MIPEP: variants seen among roughly 807,000 people sequenced by gnomAD.
MIPEP encodes mitochondrial intermediate peptidase.
In MIPEP, 79 loss-of-function variants were observed where a neutral mutation model predicts 90.3. The observed-to-expected ratio is 0.87, with a 90% CI of 0.73 to 1.05. The LOEUF (loss-of-function observed/expected upper bound fraction) is 1.05, where lower values mean the gene tolerates loss of function less well. Ranked by LOEUF, MIPEP falls within the 50% of genes least tolerant of loss-of-function variation. The pLI, the probability that MIPEP is intolerant of heterozygous loss-of-function variation, is 0.00. For synonymous variants in MIPEP, 334 were observed against 315.8 expected (o/e 1.06, Z -0.61); for missense variants, 940 against 905.6 (o/e 1.04, Z -0.49).
chr13:23,740,198 C>T (rs563540304), intron 18 of MIPEP, among the ~76,000 whole-genome samples: 7 of 152,264 alleles, frequency 4.6e-5, no homozygotes, highest in South Asian at 2.1e-4. Flanking sequence ...AGACACCCTG[C>T]GGTGGGCCAA....
intron 9 of MIPEP, among the ~76,000 whole-genome samples, chr13:23,859,298 T>TAAG (rs1870186187): frequency 1.3e-5 from 2 of 152,214 alleles, no homozygotes. Context: ...AAGGTAGGAT[T>TAAG]AAGGTTCTTT....
intron 16 of MIPEP, chr13:23,765,954 A>G (rs752837925): frequency 1.3e-5 from 2 of 152,228 alleles, no homozygotes; most frequent in African/African-American, 4.8e-5. Context: ...CTATATACCA[A>G]TGATGATGTG....
chr13:23,810,592 A>T (rs549350770), intron 14 of MIPEP, among the ~76,000 whole-genome samples: 2 of 152,356 alleles, frequency 1.3e-5, no homozygotes, highest in African/African-American at 4.8e-5. Flanking sequence ...TCTACTTTAA[A>T]ATCATTAATA....
chr13:23,881,958 A>G (rs1248129365), intron 2 of MIPEP, among the ~76,000 whole-genome samples, 171 bp from the exon 3 acceptor site: 1 of 152,208 alleles, frequency 6.6e-6, no homozygotes, highest in Admixed American at 6.5e-5. Context: ...CTTTCTGAAC[A>G]TTTAATTCTG....
chr13:23,737,259 C>G (rs990958122), intron 18 of MIPEP, among the ~76,000 whole-genome samples: 6 of 152,236 alleles, frequency 3.9e-5, no homozygotes, highest in Admixed American at 2.0e-4. Context: ...CTTGGCCCAG[C>G]TGTGACCGGG....
At chr13:23,819,702 T>G (rs1173131276) in intron 14 of MIPEP, among the ~76,000 whole-genome samples, 1 of 151,914 alleles carries the variant, frequency 6.6e-6, no homozygotes, top group East Asian at 1.9e-4. Context: ...TCTCCACTTT[T>G]TATTAAAAAA....
chr13:23,855,282 C>T (rs551299831), intron 10 of MIPEP, among the ~76,000 whole-genome samples: 2 of 152,238 alleles, frequency 1.3e-5, no homozygotes, highest in Admixed American at 1.3e-4. Context: ...CTGACAGTCA[C>T]TTATACTACT....
At chr13:23,797,934 C>T (rs118005170) in intron 16 of MIPEP, among the ~76,000 whole-genome samples, 5 of 152,088 alleles carry the variant, frequency 3.3e-5, no homozygotes, top group African/African-American at 1.2e-4. Context: ...GACAGGACAG[C>T]CAGATATAAT....
intron 5 of MIPEP, among the ~76,000 whole-genome samples, chr13:23,873,287 T>C (rs1266979241): frequency 6.6e-6 from 1 of 152,232 alleles, no homozygotes; most frequent in African/African-American, 2.4e-5. Flanking sequence ...CTTTGTTACA[T>C]GTTAACTTCA....
chr13:23,817,698 C>T (rs555801997), intron 14 of MIPEP, among the ~76,000 whole-genome samples: 3 of 152,248 alleles, frequency 2.0e-5, no homozygotes, highest in South Asian at 2.1e-4. Flanking sequence ...TGTGTAACGT[C>T]GGGCTTGTTG....
chr13:23,751,178 A>G (rs1245378516), intron 18 of MIPEP, among the ~76,000 whole-genome samples: 1 of 152,208 alleles, frequency 6.6e-6, no homozygotes, highest in Non-Finnish European at 1.5e-5. Context: ...CATGGAGGTG[A>G]TTCTTTGGAG....
chr13:23,815,474 G>C (rs1270259818), intron 14 of MIPEP, among the ~76,000 whole-genome samples: 1 of 152,068 alleles, frequency 6.6e-6, no homozygotes, highest in South Asian at 2.1e-4. Context: ...GCACCACTGT[G>C]CCTAATTTTT....
intron 16 of MIPEP, among the ~76,000 whole-genome samples, chr13:23,781,946 T>C (rs994294895): frequency 2.8e-4 from 42 of 152,100 alleles, no homozygotes; most frequent in African/African-American, 9.9e-4. Context: ...AGCACCCAGA[T>C]TCATAAAGCA....
chr13:23,831,824 C>T (rs570527704), intron 14 of MIPEP, among the ~76,000 whole-genome samples: 1 of 152,172 alleles, frequency 6.6e-6, no homozygotes, highest in Non-Finnish European at 1.5e-5. Context: ...AAACCATATT[C>T]TAACCACAGC....
rs934813026 is a variant in MIPEP at position 23,780,408 on chromosome 13, G to A, written c.1849-20191C>T. Reference sequence around the variant, plus strand: ...AGCTGAGGGTCCTGACTGTTAGAAGGAAAACTAACAAACAGAAAGGACATC... The same window carrying A: ...AGCTGAGGGTCCTGACTGTTAGAAGAAAAACTAACAAACAGAAAGGACATC... On this transcript the variant is annotated intron_variant, in intron 16 of 18. Coordinates refer to ENST00000382172, the MANE Select transcript of MIPEP (RefSeq NM_005932.4). Among the ~76,000 whole-genome samples, 14 of 152,310 alleles carry A rather than the reference G, an allele frequency of 9.2e-5. 1 individual carries two copies. Among genetic ancestry groups the A allele is most frequent in the Admixed American group, 9.1e-4 (14 of 15,306 alleles).
intron 18 of MIPEP, among the ~76,000 whole-genome samples, chr13:23,738,348 T>A (rs1355987050): frequency 6.6e-6 from 1 of 152,006 alleles, no homozygotes; most frequent in East Asian, 1.9e-4. Flanking sequence ...CTATTGTTAA[T>A]GTAGTTTATG....
In MIPEP at chr13:23,730,399, G is replaced by A. The variant is rs199730267; in HGVS notation, c.2091C>T (p.Leu697=). The part of the protein sequence containing the change: ...CPSVDDFVSA[L]VSDLDLDFET... The stretch of plus-strand genomic sequence containing the variant: ...CGAAGTCCAGATCCAAGTCGGAAAC[G>A]AGGGCACTTACGAAGTCATCAACAG... Residue 697 remains leucine (L), a synonymous_variant, in exon 19 of 19, where the codon CTC becomes CTT. Coordinates refer to ENST00000382172, the MANE Select transcript of MIPEP (RefSeq NM_005932.4). 30 of 1,612,684 alleles carry A rather than the reference G, an allele frequency of 1.9e-5. No individual in the cohort carries two copies. Among genetic ancestry groups the A allele is most frequent in the South Asian group, 3.3e-5 (3 of 90,950 alleles).
chr13:23,796,873 G>A (rs1029338431), intron 16 of MIPEP, among the ~76,000 whole-genome samples: 1 of 152,060 alleles, frequency 6.6e-6, no homozygotes, highest in African/African-American at 2.4e-5. Context: ...TCTTAACATG[G>A]GAAGCCCTCA....
At chr13:23,833,604 T>C (rs1401697028) in intron 14 of MIPEP, among the ~76,000 whole-genome samples, 1 of 152,226 alleles carries the variant, frequency 6.6e-6, no homozygotes, top group East Asian at 1.9e-4. Context: ...TCTCTCCTTT[T>C]GCACCTTACA....
Sources: gnomAD v4.1 joint callset for allele counts (sites outside exome capture counted in the v4.1 genomes callset) on GRCh38, gnomAD v4.1.1 for gene constraint, MANE v1.5 for transcripts, NCBI Gene and HGNC (gene_info 2026-07-23, HGNC 2026-07-21) for gene names.